Variants in NAALADL2 observed in about 807,000 individuals in gnomAD.
NAALADL2 encodes inactive N-acetylated-alpha-linked acidic dipeptidase-like protein 2.
NAALADL2 carries 76 observed loss-of-function variants against 87.2 expected under a neutral mutation model. The ratio of observed to expected loss-of-function variants is 0.87; its 90% CI spans 0.72 to 1.05. The LOEUF is 1.05. Among genes scored for constraint, NAALADL2 ranks in the 50% least tolerant of loss-of-function variants. NAALADL2 has a pLI of 0.00. For synonymous variants in NAALADL2, 354 were observed against 331.0 expected (o/e 1.07, Z -0.75); for missense variants, 1,089 against 945.8 (o/e 1.15, Z -1.99).
intron 2 of NAALADL2, among the ~76,000 whole-genome samples, chr3:174,577,203 C>A (rs1399554814): frequency 1.3e-5 from 2 of 151,918 alleles, no homozygotes; most frequent in Non-Finnish European, 2.9e-5. Context: ...TGGGACATTT[C>A]AAAAATAATT....
intron 3 of NAALADL2, among the ~76,000 whole-genome samples, chr3:174,844,799 C>G (rs1359540670): frequency 7.7e-6 from 1 of 129,716 alleles, no homozygotes; most frequent in African/African-American, 2.9e-5. Context: ...ATTTTTTATC[C>G]TGCAATTTTA....
intron 11 of NAALADL2, among the ~76,000 whole-genome samples, chr3:175,727,388 C>T (rs1051246628): frequency 1.3e-5 from 2 of 152,178 alleles, no homozygotes; most frequent in African/African-American, 2.4e-5. Flanking sequence ...TTTATGTTCA[C>T]ACGTAGTTTC....
intron 1 of NAALADL2, among the ~76,000 whole-genome samples, chr3:175,034,829 C>T (rs1753216924): frequency 6.6e-6 from 1 of 152,144 alleles, no homozygotes; most frequent in South Asian, 2.1e-4. Flanking sequence ...GCACTTAGAA[C>T]AGCACCTGGC....
At chr3:175,435,210 T>C (rs1045228442) in intron 5 of NAALADL2, among the ~76,000 whole-genome samples, 1 of 152,024 alleles carries the variant, frequency 6.6e-6, no homozygotes, top group African/African-American at 2.4e-5. Context: ...GAAAGTCTTG[T>C]TTCTTGGGTA....
intron 3 of NAALADL2, among the ~76,000 whole-genome samples, chr3:174,767,579 A>G (rs892471256): frequency 6.6e-6 from 1 of 152,068 alleles, no homozygotes; most frequent in African/African-American, 2.4e-5. Flanking sequence ...ACAGGAAGCT[A>G]TTCACTAGCT....
intron 10 of NAALADL2, among the ~76,000 whole-genome samples, chr3:175,619,471 G>GA (rs60441964): frequency 0.92 from 132,441 of 143,444 alleles, 61,161 homozygotes; most frequent in Non-Finnish European, 0.95. Flanking sequence ...AACATGGTGG[G>GA]AAAAAAAAAA....
At chr3:175,097,406 CAT>C (rs1275397416) in intron 2 of NAALADL2, 115 bp downstream of exon 2, 3 of 890,808 alleles carry the variant, frequency 3.4e-6, no homozygotes, top group South Asian at 1.7e-5. Flanking sequence ...AGCTGAGAAA[CAT>C]ATCACCACAA....
At chr3:175,429,718 G>T (rs1717433887) in intron 5 of NAALADL2, among the ~76,000 whole-genome samples, 1 of 151,846 alleles carries the variant, frequency 6.6e-6, no homozygotes. Flanking sequence ...ATTCGTCTAA[G>T]TATATTAGAA....
intron 2 of NAALADL2, among the ~76,000 whole-genome samples, chr3:174,714,636 C>T (rs377651997): frequency 5.9e-5 from 9 of 152,080 alleles, no homozygotes; most frequent in Non-Finnish European, 8.8e-5. Context: ...GTGATTTTTG[C>T]ACATTGATTT....
At chr3:175,395,518 T>G (rs1769663799) in intron 5 of NAALADL2, among the ~76,000 whole-genome samples, 1 of 152,164 alleles carries the variant, frequency 6.6e-6, no homozygotes, top group Non-Finnish European at 1.5e-5. Flanking sequence ...GGCAAGGTGA[T>G]GTGCTAAGTA....
intron 9 of NAALADL2, among the ~76,000 whole-genome samples, chr3:175,529,824 G>A (rs998707625): frequency 6.6e-6 from 1 of 152,176 alleles, no homozygotes; most frequent in Non-Finnish European, 1.5e-5. Flanking sequence ...AGCATTGTGT[G>A]CAGGATAGGC....
At chr3:175,136,696 C>A (rs1264206537) in intron 2 of NAALADL2, among the ~76,000 whole-genome samples, 1 of 151,734 alleles carries the variant, frequency 6.6e-6, no homozygotes, top group Non-Finnish European at 1.5e-5. Context: ...TCAAAAATGA[C>A]CTCATGCTTT....
chr3:174,464,091 C>G lies in NAALADL2; in HGVS notation c.-184+23059C>G, dbSNP rs76715595. Among the ~76,000 whole-genome samples, 507 of 151,806 alleles carry G rather than the reference C, an allele frequency of 3.3e-3. 10 individuals are homozygous for G. The East Asian group carries it at 0.048, about 14-fold the overall frequency. ...AGGAAAATAAGGAATTCCAGAAAACCATCTCATTTTTGAGCTATAGTATTT... is the reference window on the plus strand; with the variant it reads ...AGGAAAATAAGGAATTCCAGAAAACGATCTCATTTTTGAGCTATAGTATTT... On this transcript the variant is annotated intron_variant, in intron 1 of 3. Transcript: ENST00000434257.
chr3:175,087,888 A>C (rs887949391), intron 1 of NAALADL2, among the ~76,000 whole-genome samples: 1 of 150,212 alleles, frequency 6.7e-6, no homozygotes, highest in South Asian at 2.1e-4. Flanking sequence ...TGCGAGAAAC[A>C]CCCAAGAATG....
chr3:175,625,712 C>A (rs1181871968), intron 10 of NAALADL2, among the ~76,000 whole-genome samples: 1 of 151,900 alleles, frequency 6.6e-6, no homozygotes, highest in Non-Finnish European at 1.5e-5. Flanking sequence ...TGGGTTTGAA[C>A]CCGAGGTCTA....
chr3:174,854,719 A>T (rs901664097), upstream of NAALADL2, among the ~76,000 whole-genome samples: 1 of 152,158 alleles, frequency 6.6e-6, no homozygotes, highest in East Asian at 1.9e-4. Flanking sequence ...ATGACAAAAA[A>T]CTTTAAAAGA....
chr3:175,369,146 A>G (rs1409446227), intron 5 of NAALADL2, among the ~76,000 whole-genome samples: 1 of 152,196 alleles, frequency 6.6e-6, no homozygotes, highest in Non-Finnish European at 1.5e-5. Flanking sequence ...CTCCACTATA[A>G]TCTATGGAAC....
In NAALADL2 at chr3:175,369,797, A is replaced by G. The variant is rs570167411; in HGVS notation, c.1090+45472A>G. ...ACTCAAAGTGAATTATTAGGTAATCATATCTACTTCTTCCTAAACCCTTCA... is the reference window on the plus strand; with the variant it reads ...ACTCAAAGTGAATTATTAGGTAATCGTATCTACTTCTTCCTAAACCCTTCA... On this transcript the variant is annotated intron_variant, in intron 5 of 13. Coordinates refer to ENST00000454872, the MANE Select transcript of NAALADL2 (RefSeq NM_207015.3). Among the ~76,000 whole-genome samples, 247 of 152,316 alleles carry G rather than the reference A, an allele frequency of 1.6e-3. 1 individual carries two copies. The highest frequency in any genetic ancestry group is 5.8e-3 in the African/African-American group (240 of 41,590).
intron 4 of NAALADL2, among the ~76,000 whole-genome samples, chr3:175,264,299 G>C (rs926592647): frequency 6.6e-6 from 1 of 151,862 alleles, no homozygotes; most frequent in South Asian, 2.1e-4. Context: ...TCATAAGGTT[G>C]TGTGAAGATT....
Sources: gnomAD v4.1 joint callset for allele counts (sites outside exome capture counted in the v4.1 genomes callset) on GRCh38, gnomAD v4.1.1 for gene constraint, MANE v1.5 for transcripts, NCBI Gene and HGNC (gene_info 2026-07-23, HGNC 2026-07-21) for gene names.